The following ERBB4 variants were observed in gnomAD, a reference collection of about 807,000 sequenced individuals.
The protein encoded by ERBB4 is receptor tyrosine-protein kinase erbB-4.
A neutral mutation model predicts 158.0 loss-of-function variants in ERBB4; 42 were observed. The ratio of observed to expected loss-of-function variants is 0.27; its 90% CI spans 0.21 to 0.34. The LOEUF (loss-of-function observed/expected upper bound fraction) is 0.34. Among genes scored for constraint, ERBB4 ranks in the 10% least tolerant of loss-of-function variants. The probability of loss-of-function intolerance (pLI) is 1.00; values close to 1 mark genes in which losing one functional copy is unlikely to be tolerated. For synonymous variants in ERBB4, 583 were observed against 558.7 expected, an observed-to-expected ratio of 1.04 and a Z score of -0.61; for missense variants, 1,333 against 1,624.1, an observed-to-expected ratio of 0.82 and a Z score of 3.08.
At chr2:212,000,102 T>G (rs1326802012) in intron 2 of ERBB4, among the ~76,000 whole-genome samples, 1 of 151,782 alleles carries the variant, frequency 6.6e-6, no homozygotes, top group Non-Finnish European at 1.5e-5. Context: ...CTTTGTAAAA[T>G]TAATAAAGGT....
At chr2:211,817,849 G>C (rs1010513150) in intron 3 of ERBB4, among the ~76,000 whole-genome samples, 1 of 152,052 alleles carries the variant, frequency 6.6e-6, no homozygotes, top group Non-Finnish European at 1.5e-5. Flanking sequence ...CATTCAAGGG[G>C]ATGGAAAGAA....
At chr2:212,342,693 C>A (rs2088780016) in intron 1 of ERBB4, among the ~76,000 whole-genome samples, 1 of 152,060 alleles carries the variant, frequency 6.6e-6, no homozygotes, top group South Asian at 2.1e-4. Flanking sequence ...CCTGATTATC[C>A]CAAATATTAT....
intron 1 of ERBB4, among the ~76,000 whole-genome samples, chr2:212,472,850 T>C (rs937132982): frequency 6.6e-5 from 10 of 152,016 alleles, no homozygotes; most frequent in South Asian, 2.1e-4. Context: ...AGCTATATGA[T>C]GAATGAGAAT....
rs1478910792 is a variant in ERBB4 at position 211,649,571 on chromosome 2, C to T, written c.1946+8183G>A. ...GGAGTTGCTTTGTAAATTTATCTTG[C>T]TCTGTTCAGGAAAAAACATGGTGTT... On this transcript the variant is annotated intron_variant, in intron 16 of 27. Transcript: ENST00000342788. 2.0e-5 allele frequency among the ~76,000 whole-genome samples: 3 copies of T among 151,900 alleles called. No individual in the cohort carries two copies. In the East Asian group the frequency reaches 5.8e-4, roughly 29 times the overall value.
chr2:212,374,901 T>G (rs1033988703), intron 1 of ERBB4, among the ~76,000 whole-genome samples: 2 of 121,190 alleles, frequency 1.7e-5, no homozygotes, highest in African/African-American at 7.6e-5. Flanking sequence ...CTGAGAAGAT[T>G]TTTAGAAATA....
chr2:211,542,152 G>A (rs1476095163), intron 20 of ERBB4, among the ~76,000 whole-genome samples: 1 of 151,960 alleles, frequency 6.6e-6, no homozygotes, highest in Admixed American at 6.6e-5. Context: ...AAGGGAGATT[G>A]GCTTACATTT....
chr2:212,276,948 G>A (rs1458285613), intron 1 of ERBB4, among the ~76,000 whole-genome samples: 2 of 151,714 alleles, frequency 1.3e-5, no homozygotes, highest in African/African-American at 4.8e-5. Context: ...GAAGAGAAAC[G>A]GTGAACCGGC....
intron 1 of ERBB4, among the ~76,000 whole-genome samples, chr2:212,439,984 A>T (rs1275854843): frequency 1.3e-5 from 2 of 152,178 alleles, no homozygotes; most frequent in Non-Finnish European, 2.9e-5. Flanking sequence ...TTGGTGCCCT[A>T]TAGGATATAA....
In ERBB4 at chr2:211,818,512, A is replaced by G. The variant is rs115486668; in HGVS notation, c.422-30353T>C. On this transcript the variant is annotated intron_variant, in intron 3 of 27. Coordinates refer to ENST00000342788, the MANE Select transcript of ERBB4 (RefSeq NM_005235.3). ...GGGGTTGGGGCAGAAGGGTATTCCA[A>G]TAAAAGAAACTATCAATTAACAATG... Among the ~76,000 whole-genome samples the G allele has an allele frequency of 3.9e-3, 593 of 152,214 alleles. 3 individuals are homozygous for G. The highest frequency in any genetic ancestry group is 0.013 in the African/African-American group (559 of 41,566).
intron 2 of ERBB4, among the ~76,000 whole-genome samples, chr2:211,999,007 T>C (rs2076041494): frequency 6.6e-6 from 1 of 151,794 alleles, no homozygotes; most frequent in South Asian, 2.1e-4. Flanking sequence ...TTCCATGTTT[T>C]AAAATATTTT....
chr2:211,791,628 G>A (rs1291727559), intron 3 of ERBB4, among the ~76,000 whole-genome samples: 1 of 151,786 alleles, frequency 6.6e-6, no homozygotes, highest in Admixed American at 6.6e-5. Flanking sequence ...TAGATTCTTG[G>A]TCATTGAATC....
rs78134032 is a variant in ERBB4 at position 211,994,654 on chromosome 2, C to A, written c.235-47038G>T. On this transcript the variant is annotated intron_variant, in intron 2 of 27. Coordinates refer to ENST00000342788, the MANE Select transcript of ERBB4 (RefSeq NM_005235.3). Reference sequence around the variant, plus strand: ...TTTTATTCCAGACAATATTTCTGAACAACTATATAGAATTCATCAGTTTAG... The same window carrying A: ...TTTTATTCCAGACAATATTTCTGAAAAACTATATAGAATTCATCAGTTTAG... 6.2e-3 allele frequency among the ~76,000 whole-genome samples: 934 copies of A among 151,858 alleles called. 12 individuals are homozygous for A. Among genetic ancestry groups the A allele is most frequent in the African/African-American group, 0.021 (877 of 41,424 alleles).
chr2:212,088,579 G>T (rs1266466232), intron 2 of ERBB4, among the ~76,000 whole-genome samples: 1 of 152,020 alleles, frequency 6.6e-6, no homozygotes. Flanking sequence ...TAGTCCCTGG[G>T]TAGCAGCTAA....
intron 1 of ERBB4, among the ~76,000 whole-genome samples, chr2:212,517,190 C>A (rs1244606222): frequency 1.3e-5 from 2 of 152,094 alleles, no homozygotes; most frequent in South Asian, 2.1e-4. Context: ...CTTATTCTTC[C>A]TTTCTTTATA....
intron 4 of ERBB4, chr2:211,777,142 GTATATGCGTGAGCA>G (rs2075898950): frequency 6.6e-6 from 1 of 152,164 alleles, no homozygotes; most frequent in Non-Finnish European, 1.5e-5. Flanking sequence ...ATGCATGAGC[GTATATGCGTGAGCA>G]TATGTGCGTG....
chr2:212,226,883 C>G (rs2105970583), intron 1 of ERBB4, among the ~76,000 whole-genome samples: 1 of 152,142 alleles, frequency 6.6e-6, no homozygotes, highest in South Asian at 2.1e-4. Context: ...CTCCTTTAAG[C>G]TATTTGTGGA....
intron 2 of ERBB4, among the ~76,000 whole-genome samples, chr2:212,055,235 C>T (rs556229159): frequency 6.6e-6 from 1 of 152,346 alleles, no homozygotes; most frequent in East Asian, 1.9e-4. Flanking sequence ...TGCAAGGCAG[C>T]AGTGAGTCTG....
chr2:211,818,811 T>C (rs1199247333), intron 3 of ERBB4, among the ~76,000 whole-genome samples: 3 of 152,032 alleles, frequency 2.0e-5, no homozygotes, highest in Non-Finnish European at 4.4e-5. Flanking sequence ...ATATAGTCAG[T>C]TCTCTTATAG....
At chr2:211,982,165 T>C (rs998343273) in intron 2 of ERBB4, among the ~76,000 whole-genome samples, 20 of 152,038 alleles carry the variant, frequency 1.3e-4, no homozygotes, top group Non-Finnish European at 2.5e-4. Flanking sequence ...TTCTTCAATA[T>C]AGCTTTATAG....
Sources: gnomAD v4.1 joint callset for allele counts (sites outside exome capture counted in the v4.1 genomes callset) on GRCh38, gnomAD v4.1.1 for gene constraint, MANE v1.5 for transcripts, NCBI Gene and HGNC (gene_info 2026-07-23, HGNC 2026-07-21) for gene names.